The following TANC2 variants were observed in gnomAD, a reference collection of about 807,000 sequenced individuals.
TANC2 encodes tetratricopeptide repeat, ankyrin repeat and coiled-coil containing 2, also known as protein TANC2.
In TANC2, 26 loss-of-function variants were observed where a neutral mutation model predicts 210.5. The ratio of observed to expected loss-of-function variants is 0.12; its 90% CI spans 0.09 to 0.17. TANC2 has a LOEUF of 0.17. TANC2 is among the 10% of genes least tolerant of loss of function. The pLI is 1.00. For missense variants in TANC2, 2,129 were observed against 2,608.9 expected, an observed-to-expected ratio of 0.82 and a Z score of 4.01; for synonymous variants, 931 against 967.1, an observed-to-expected ratio of 0.96 and a Z score of 0.69.
intron 2 of TANC2, among the ~76,000 whole-genome samples, chr17:63,057,083 A>G (rs1160056336): frequency 6.6e-6 from 1 of 151,984 alleles, no homozygotes; most frequent in Non-Finnish European, 1.5e-5. Context: ...CAGCCTCAGC[A>G]TCTTGAGTAG....
At chr17:63,362,804 G>A (rs2047004348) in intron 14 of TANC2, among the ~76,000 whole-genome samples, 1 of 152,132 alleles carries the variant, frequency 6.6e-6, no homozygotes, top group Admixed American at 6.5e-5. Flanking sequence ...GATCTTCCCG[G>A]GCCCCCAAGA....
chr17:63,230,025 A>T (rs1016129451), intron 7 of TANC2, among the ~76,000 whole-genome samples: 3 of 151,876 alleles, frequency 2.0e-5, no homozygotes, highest in African/African-American at 7.3e-5. Flanking sequence ...CAAACTCCTG[A>T]CCTTAAGTGA....
chr17:63,242,444 A>G (rs982937189), intron 8 of TANC2, among the ~76,000 whole-genome samples: 2 of 152,054 alleles, frequency 1.3e-5, no homozygotes, highest in South Asian at 2.1e-4. Context: ...ATATATACCT[A>G]TACATGATCC....
chr17:63,307,857 C>T (rs2044976676), intron 9 of TANC2, among the ~76,000 whole-genome samples: 1 of 152,168 alleles, frequency 6.6e-6, no homozygotes, highest in African/African-American at 2.4e-5. Context: ...TCTCTGCCTC[C>T]CAGGTTCACA....
intron 14 of TANC2, among the ~76,000 whole-genome samples, chr17:63,369,641 C>T (rs570641182): frequency 6.6e-6 from 1 of 151,312 alleles, no homozygotes; most frequent in South Asian, 2.1e-4. Flanking sequence ...GCAGCCCCTG[C>T]CTCCCAGGTT....
At position 63,288,145 on chromosome 17, in the gene TANC2, T is replaced by C. The variant is rs538490803; in HGVS notation, c.1159+20272T>C. On this transcript the variant is annotated intron_variant, in intron 9 of 27. Coordinates refer to ENST00000689528, the Ensembl canonical transcript of TANC2. ...AGTACTCCATTGATTTCTCAAGGGT[T>C]AATTTCCACAGATCTCCAGAATTAT... Among the ~76,000 whole-genome samples the C allele has an allele frequency of 2.6e-5, 4 of 152,322 alleles. No homozygotes were observed. In the East Asian group the frequency reaches 7.7e-4, roughly 29 times the overall value.
intron 3 of TANC2, among the ~76,000 whole-genome samples, chr17:63,098,069 G>A (rs1174003710): frequency 6.6e-6 from 1 of 151,694 alleles, no homozygotes; most frequent in African/African-American, 2.4e-5. Context: ...TTTGTATTCA[G>A]TATTCTTATG....
At chr17:63,331,854 G>C (rs201580734) in intron 11 of TANC2, 20 of 142,138 alleles carry the variant, frequency 1.4e-4, no homozygotes, top group South Asian at 7.2e-4. Flanking sequence ...GTGTGTGTGT[G>C]TCTGTGTGTG....
intron 9 of TANC2, among the ~76,000 whole-genome samples, chr17:63,289,189 G>A (rs1378245040): frequency 1.3e-5 from 2 of 152,176 alleles, no homozygotes; most frequent in Admixed American, 6.5e-5. Context: ...GATGTTCTCC[G>A]ACCATCTTGT....
chr17:63,183,742 G>A (rs920767883), intron 5 of TANC2, among the ~76,000 whole-genome samples: 4 of 152,176 alleles, frequency 2.6e-5, no homozygotes, highest in African/African-American at 4.8e-5. Flanking sequence ...TGCAGGCTGG[G>A]CGCGGTGGCT....
chr17:63,022,354 A>G (rs1348282613), intron 2 of TANC2, among the ~76,000 whole-genome samples: 1 of 151,608 alleles, frequency 6.6e-6, no homozygotes, highest in Non-Finnish European at 1.5e-5. Context: ...AAAAAAAAAA[A>G]GAATGACAAA....
At chr17:62,987,284 G>A (rs1004122180) in intron 1 of TANC2, among the ~76,000 whole-genome samples, 4 of 152,146 alleles carry the variant, frequency 2.6e-5, no homozygotes, top group African/African-American at 7.2e-5. Context: ...TGTGGAATTC[G>A]TAGTATAAAG....
At chr17:63,394,038 C>T (rs2048075551) in intron 17 of TANC2, among the ~76,000 whole-genome samples, 1 of 152,104 alleles carries the variant, frequency 6.6e-6, no homozygotes, top group African/African-American at 2.4e-5. Flanking sequence ...TCCCAAAGTG[C>T]TGGGATTACA....
At chr17:63,339,744 C>G (rs1016882666) in intron 11 of TANC2, among the ~76,000 whole-genome samples, 3 of 147,814 alleles carry the variant, frequency 2.0e-5, no homozygotes, top group Non-Finnish European at 3.0e-5. Flanking sequence ...ATTTCCTATA[C>G]TGCTCCATGC....
In TANC2 at chr17:63,204,710, A is replaced by C. The variant is rs144064497; in HGVS notation, c.769+3753A>C. On this transcript the variant is annotated intron_variant, in intron 7 of 27. Coordinates refer to ENST00000689528, the Ensembl canonical transcript of TANC2. The stretch of plus-strand genomic sequence containing the variant: ...TCTAAATAGCCAAAACAGTCTTGAA[A>C]AAGAGCAAAATTGGACGACTCACAT... Among the ~76,000 whole-genome samples, 617 of 152,346 alleles carry C rather than the reference A, an allele frequency of 4.0e-3. 1 individual carries two copies. Among genetic ancestry groups the C allele is most frequent in the Non-Finnish European group, 6.2e-3 (425 of 68,028 alleles).
intron 1 of TANC2, among the ~76,000 whole-genome samples, chr17:62,994,284 C>T (rs1345688013): frequency 1.3e-5 from 2 of 151,564 alleles, no homozygotes; most frequent in Non-Finnish European, 2.9e-5. Flanking sequence ...TGGGTTCAAG[C>T]GATTCTCCTG....
chr17:62,987,399 G>C (rs760541503), intron 1 of TANC2, among the ~76,000 whole-genome samples: 7 of 152,168 alleles, frequency 4.6e-5, no homozygotes, highest in Admixed American at 6.5e-5. Flanking sequence ...GCAGTATCTG[G>C]GTTCACAGAG....
At chr17:63,126,574 ATTTTT>A (rs1276434724) in intron 4 of TANC2, among the ~76,000 whole-genome samples, 1 of 151,870 alleles carries the variant, frequency 6.6e-6, no homozygotes, top group African/African-American at 2.4e-5. Context: ...ACACTGGCTG[ATTTTT>A]TTATTTTTTA....
At chr17:62,970,276 C>T (rs2031619171) in intron 1 of TANC2, among the ~76,000 whole-genome samples, 1 of 152,106 alleles carries the variant, frequency 6.6e-6, no homozygotes. Context: ...AGCATATATG[C>T]TTACGTAATT....
Sources: gnomAD v4.1 joint callset for allele counts (sites outside exome capture counted in the v4.1 genomes callset) on GRCh38, gnomAD v4.1.1 for gene constraint, MANE v1.5 for transcripts, NCBI Gene and HGNC (gene_info 2026-07-23, HGNC 2026-07-21) for gene names.